MLN: variants seen among roughly 807,000 people sequenced by gnomAD.
The protein encoded by MLN is promotilin.
Under a neutral mutation model 13.3 loss-of-function variants are expected in MLN, and 14 were observed. That is an observed-to-expected ratio of 1.05 (90% confidence interval 0.69 to 1.64). MLN has a LOEUF of 1.64. MLN is among the 40% of genes most tolerant of loss of function. The probability of loss-of-function intolerance (pLI) is 0.00; values close to 1 mark genes in which losing one functional copy is unlikely to be tolerated. For synonymous variants in MLN, 59 were observed against 54.7 expected (o/e 1.08, Z -0.34); for missense variants, 122 against 142.9 (o/e 0.85, Z 0.75).
At position 33,801,168 on chromosome 6, in the gene MLN, G is replaced by C; in HGVS notation, c.-5C>G. On this transcript the variant is annotated splice_region_variant and 5_prime_UTR_variant, in exon 2 of 5. Coordinates refer to ENST00000430124, the MANE Select transcript of MLN (RefSeq NM_002418.3). ...CACAGCCTTACGGGATACCATCTTG[G>C]AGCTGGACAATGACAAGGAGCTCTT... The C allele has an allele frequency of 6.2e-7, 1 of 1,610,306 alleles. No individual in the cohort carries two copies. The highest frequency in any genetic ancestry group is 8.5e-7 in the Non-Finnish European group (1 of 1,176,638).
intron 3 of MLN, among the ~76,000 whole-genome samples, chr6:33,796,022 C>G (rs955892269): frequency 6.8e-6 from 1 of 147,750 alleles, no homozygotes; most frequent in Non-Finnish European, 1.5e-5. Context: ...TGCAGTGGCG[C>G]GATCTCGGCT....
intron 3 of MLN, 115 bp downstream of exon 3, chr6:33,798,990 G>C: frequency 1.6e-6 from 1 of 640,494 alleles, no homozygotes; most frequent in Non-Finnish European, 2.7e-6. Context: ...TGCTCACTGC[G>C]ATATCCTAGG....
Position 33,794,789 on chromosome 6 carries a change from C to T in MLN, c.*36G>A. The T allele has an allele frequency of 6.2e-7, 1 of 1,612,658 alleles. No homozygotes were observed. The highest frequency in any genetic ancestry group is 8.5e-7 in the Non-Finnish European group (1 of 1,179,370). On this transcript the variant is annotated 3_prime_UTR_variant, in exon 5 of 5. Coordinates refer to ENST00000430124, the MANE Select transcript of MLN (RefSeq NM_002418.3). ...AGGGCCTCACTTGGGCAGGAGGGGC[C>T]TCCCAAATCTGTCCACCTTCTCCCC...
intron 1 of MLN, among the ~76,000 whole-genome samples, chr6:33,801,961 G>A (rs563151540): frequency 8.5e-5 from 13 of 152,260 alleles, no homozygotes; most frequent in Admixed American, 3.9e-4. Flanking sequence ...TTTGGAGCTC[G>A]GGTCCTGGCA....
At position 33,794,749 on chromosome 6, in the gene MLN, G is replaced by T; in HGVS notation, c.*76C>A. 6.4e-7 allele frequency: 1 copy of T among 1,566,156 alleles called. No homozygotes were observed. Among genetic ancestry groups the T allele is most frequent in the Non-Finnish European group, 8.7e-7 (1 of 1,147,490 alleles). ...TTTTCCTTCCAAGCCCAGCTGGCAG[G>T]CTCTGTAAATTCCCAGGGCCTCACT... On this transcript the variant is annotated 3_prime_UTR_variant, in exon 5 of 5. Transcript: ENST00000430124.
chr6:33,794,864 T>C, intron 4 of MLN, 29 bp from the exon 5 acceptor site: 4 of 1,613,248 alleles, frequency 2.5e-6, no homozygotes, highest in South Asian at 2.2e-5. Context: ...TTGCGCTCAG[T>C]ACCATCATCA....
chr6:33,797,702 T>C (rs9380378), intron 3 of MLN, among the ~76,000 whole-genome samples: 57,503 of 146,360 alleles, frequency 0.39, 11,458 homozygotes, highest in East Asian at 0.77. Context: ...GAGGCCGAAC[T>C]CTCTCTCTCT....
chr6:33,799,259 C>T lies in MLN; in HGVS notation c.118-38G>A. ...CAGAAAATTGCACAAAACCGCCCTCCCTCAACCCACGCTGATGGCCCCTTG... is the reference window on the plus strand; with the variant it reads ...CAGAAAATTGCACAAAACCGCCCTCTCTCAACCCACGCTGATGGCCCCTTG... On this transcript the variant is annotated intron_variant, in intron 2 of 4. Transcript: ENST00000430124. The surrounding 1 kb of genome is among the most constrained non-coding windows in gnomAD (Gnocchi z 4.6). 2.0e-6 allele frequency: 3 copies of T among 1,482,518 alleles called. No individual in the cohort carries two copies. The highest frequency in any genetic ancestry group is 2.8e-6 in the Non-Finnish European group (3 of 1,064,074). 91.8% of individuals were successfully genotyped at this position (1,482,518 alleles called of 1,614,324 possible).
In MLN at chr6:33,801,172, T is replaced by G. The variant is rs1452922702; in HGVS notation, c.-7-2A>C. 1 of 1,607,882 alleles carries G rather than the reference T, an allele frequency of 6.2e-7. No homozygotes were observed. The highest frequency in any genetic ancestry group is 1.7e-5 in the Admixed American group (1 of 60,010). ...GCCTTACGGGATACCATCTTGGAGC[T>G]GGACAATGACAAGGAGCTCTTGTCA... On this transcript the variant is annotated splice_acceptor_variant, in intron 1 of 4. Transcript: ENST00000430124. LOFTEE classifies it low-confidence loss of function (5UTR_SPLICE).
Position 33,799,080 on chromosome 6 carries a change from T to C in MLN, c.234+25A>G, listed in dbSNP as rs1296739773. The C allele has an allele frequency of 1.3e-6, 2 of 1,529,806 alleles. No homozygotes were observed. Among genetic ancestry groups the C allele is most frequent in the Non-Finnish European group, 1.8e-6 (2 of 1,107,458 alleles). The allele number at this position is 1,529,806 out of a possible 1,614,324, so 94.8% of individuals were successfully genotyped here. On this transcript the variant is annotated intron_variant, in intron 3 of 4. Coordinates refer to ENST00000430124, the MANE Select transcript of MLN (RefSeq NM_002418.3). The surrounding 1 kb of genome is among the most constrained non-coding windows in gnomAD (Gnocchi z 4.6). ...ATGCATGCCCTGCTCTGAGTTTCTC[T>C]CCTTTGTCCCAGTTGTCTGCTCACC...
chr6:33,801,180 G>A lies in MLN; in HGVS notation c.-7-10C>T. Reference sequence around the variant, plus strand: ...GGATACCATCTTGGAGCTGGACAATGACAAGGAGCTCTTGTCACTAAGTTT... The same window carrying A: ...GGATACCATCTTGGAGCTGGACAATAACAAGGAGCTCTTGTCACTAAGTTT... On this transcript the variant is annotated splice_polypyrimidine_tract_variant and intron_variant, in intron 1 of 4. Coordinates refer to ENST00000430124, the MANE Select transcript of MLN (RefSeq NM_002418.3). 1 of 1,598,052 alleles carries A rather than the reference G, an allele frequency of 6.3e-7. No individual in the cohort carries two copies. Among genetic ancestry groups the A allele is most frequent in the Non-Finnish European group, 8.6e-7 (1 of 1,165,688 alleles).
intron 1 of MLN, among the ~76,000 whole-genome samples, chr6:33,801,812 C>G (rs1419042285): frequency 6.6e-6 from 1 of 152,264 alleles, no homozygotes; most frequent in Non-Finnish European, 1.5e-5. Flanking sequence ...TGCTCCAGTG[C>G]ATCTAGCTGC....
At chr6:33,798,303 T>C (rs1366059856) in intron 3 of MLN, among the ~76,000 whole-genome samples, 1 of 152,206 alleles carries the variant, frequency 6.6e-6, no homozygotes, top group Non-Finnish European at 1.5e-5. Context: ...ATTTTGTCTG[T>C]TCACTACCCT....
chr6:33,798,158 C>T (rs1472320329), intron 3 of MLN, among the ~76,000 whole-genome samples: 3 of 152,126 alleles, frequency 2.0e-5, no homozygotes, highest in African/African-American at 7.2e-5. Context: ...GGCTCTGTTT[C>T]CCTCCATAGC....
At chr6:33,796,315 A>C (rs1229845697) in intron 3 of MLN, among the ~76,000 whole-genome samples, 1 of 151,682 alleles carries the variant, frequency 6.6e-6, no homozygotes, top group Non-Finnish European at 1.5e-5. Flanking sequence ...AAGGCCGCAC[A>C]GATGGTAAGG....
chr6:33,797,901 G>A (rs2127387617), intron 3 of MLN, among the ~76,000 whole-genome samples: 1 of 152,208 alleles, frequency 6.6e-6, no homozygotes, highest in South Asian at 2.1e-4. Flanking sequence ...GAGTCCAGTG[G>A]CCTGTGAAGT....
At position 33,799,316 on chromosome 6, in the gene MLN, C is replaced by G. The variant is rs745629444; in HGVS notation, c.118-95G>C. ...TCCATCTGCCCAGGGTGCTGTCTGCCCTGAGCTCCCTACAGACTGAAAGAA... is the reference window on the plus strand; with the variant it reads ...TCCATCTGCCCAGGGTGCTGTCTGCGCTGAGCTCCCTACAGACTGAAAGAA... On this transcript the variant is annotated intron_variant, in intron 2 of 4. Transcript: ENST00000430124. This position sits in a 1 kb window ranked among gnomAD's most constrained non-coding sequence, Gnocchi z 4.6. The G allele has an allele frequency of 2.4e-4, 189 of 799,180 alleles. No homozygotes were observed. The highest frequency in any genetic ancestry group is 3.6e-4 in the Non-Finnish European group (172 of 479,866). 49.5% of individuals were successfully genotyped at this position (799,180 alleles called of 1,614,324 possible).
intron 3 of MLN, among the ~76,000 whole-genome samples, chr6:33,798,835 C>T (rs562922373): frequency 5.0e-4 from 76 of 152,330 alleles, no homozygotes; most frequent in African/African-American, 1.8e-3. Context: ...GAGGCCTTCC[C>T]TGACCCGTCT....
In MLN at chr6:33,799,849, G is replaced by T. The variant is rs1768004934; in HGVS notation, c.118-628C>A. On this transcript the variant is annotated intron_variant, in intron 2 of 4. Transcript: ENST00000430124. This position sits in a 1 kb window ranked among gnomAD's most constrained non-coding sequence, Gnocchi z 4.6. ...CTGTTCCTGTCCAGCCCCCAGTCTT[G>T]CCCGGCATGCTGCTGGCCAGGTCCC... 6.6e-6 allele frequency among the ~76,000 whole-genome samples: 1 copy of T among 152,152 alleles called. No individual in the cohort carries two copies. The highest frequency in any genetic ancestry group is 2.4e-5 in the African/African-American group (1 of 41,424).
Sources: gnomAD v4.1 joint callset for allele counts (sites outside exome capture counted in the v4.1 genomes callset) on GRCh38, gnomAD v4.1.1 for gene constraint, Gnocchi (gnomAD v3.1) non-coding constraint, MANE v1.5 for transcripts, NCBI Gene and HGNC (gene_info 2026-07-23, HGNC 2026-07-21) for gene names.